CNOT2: variants seen among roughly 807,000 people sequenced by gnomAD.
CNOT2 encodes the protein CC chemokine receptor 4-negative regulator of transcription 2.
Under a neutral mutation model 72.1 loss-of-function variants are expected in CNOT2, and 7 were observed. That is an observed-to-expected ratio of 0.10 (90% CI 0.06 to 0.18). The LOEUF is 0.18. CNOT2 is among the 10% of genes least tolerant of loss of function. The probability of loss-of-function intolerance (pLI) is 1.00; values close to 1 mark genes in which losing one functional copy is unlikely to be tolerated. For missense variants in CNOT2, 345 were observed against 660.3 expected, an observed-to-expected ratio of 0.52 and a Z score of 5.23; for synonymous variants, 196 against 225.6, an observed-to-expected ratio of 0.87 and a Z score of 1.17.
intron 1 of CNOT2, among the ~76,000 whole-genome samples, chr12:70,275,835 A>G (rs1337381966): frequency 6.6e-6 from 1 of 152,130 alleles, no homozygotes; most frequent in East Asian, 1.9e-4. Context: ...TATGAAGGTT[A>G]TCAACAGAAT....
chr12:70,345,295 G>C (rs554132412), intron 14 of CNOT2: 2 of 152,192 alleles, frequency 1.3e-5, no homozygotes, highest in South Asian at 2.1e-4. Flanking sequence ...TCAGTATGTT[G>C]ATAATGAATT....
At chr12:70,300,716 G>T (rs575895122) in intron 2 of CNOT2, among the ~76,000 whole-genome samples, 62 of 152,116 alleles carry the variant, frequency 4.1e-4, no homozygotes, top group Non-Finnish European at 6.0e-4. Context: ...CTTTTTTGGT[G>T]CCATATGAAC....
At chr12:70,297,448 C>T (rs1873005312) in intron 2 of CNOT2, among the ~76,000 whole-genome samples, 1 of 152,156 alleles carries the variant, frequency 6.6e-6, no homozygotes, top group Non-Finnish European at 1.5e-5. Flanking sequence ...AGTAAAACTC[C>T]TCCCTACATT....
intron 1 of CNOT2, among the ~76,000 whole-genome samples, chr12:70,245,302 CTTGACTTTG>C (rs1358605310): frequency 6.6e-6 from 1 of 152,156 alleles, no homozygotes; most frequent in Non-Finnish European, 1.5e-5. Flanking sequence ...TCACTTATTT[CTTGACTTTG>C]TAAGATCCTT....
chr12:70,276,089 A>G (rs76586647), intron 1 of CNOT2, among the ~76,000 whole-genome samples: 3,437 of 152,152 alleles, frequency 0.023, 82 homozygotes, highest in Admixed American at 0.047. Flanking sequence ...AGAAGAGGAA[A>G]CAAAGCAAAT....
At chr12:70,307,851 C>G (rs1220298072) in intron 2 of CNOT2, 1 of 151,422 alleles carries the variant, frequency 6.6e-6, no homozygotes, top group Admixed American at 6.6e-5. Flanking sequence ...TTCCTGCTTT[C>G]GTTTTATACC....
intron 6 of CNOT2, among the ~76,000 whole-genome samples, chr12:70,332,246 A>G (rs1372999658): frequency 2.0e-5 from 3 of 151,764 alleles, no homozygotes; most frequent in Non-Finnish European, 4.4e-5. Context: ...GAAGACACAG[A>G]GAGGAGTTTA....
chr12:70,318,478 A>G (rs992075493), intron 3 of CNOT2, among the ~76,000 whole-genome samples: 3 of 151,838 alleles, frequency 2.0e-5, no homozygotes, highest in African/African-American at 7.2e-5. Context: ...TTCTGATTAC[A>G]TTACTAACCT....
At chr12:70,319,469 T>A in intron 4 of CNOT2, 105 bp downstream of exon 4, 1 of 1,074,698 alleles carries the variant, frequency 9.3e-7, no homozygotes, top group Admixed American at 2.1e-5. Flanking sequence ...ATTGTATGAC[T>A]TAAAAGGAAA....
intron 1 of CNOT2, among the ~76,000 whole-genome samples, chr12:70,246,570 CCTTA>C (rs1375683225): frequency 1.3e-5 from 2 of 152,040 alleles, no homozygotes; most frequent in Non-Finnish European, 2.9e-5. Flanking sequence ...GACTGTTCTT[CCTTA>C]CTAAGAGCAG....
chr12:70,308,584 T>TCTCTCTCTCA (rs550679130), intron 2 of CNOT2, among the ~76,000 whole-genome samples: 1,849 of 133,232 alleles, frequency 0.014, 28 homozygotes, highest in African/African-American at 0.027. Flanking sequence ...TCTCTCTCTC[T>TCTCTCTCTCA]CACACACACA....
chr12:70,285,345 G>A (rs915985575), intron 2 of CNOT2: 1 of 151,428 alleles, frequency 6.6e-6, no homozygotes, highest in Non-Finnish European at 1.5e-5. Flanking sequence ...GAGTAGCTGG[G>A]ACTAAGGTGC....
chr12:70,320,173 T>C (rs1364873198), intron 4 of CNOT2, among the ~76,000 whole-genome samples: 3 of 151,672 alleles, frequency 2.0e-5, no homozygotes, highest in African/African-American at 7.2e-5. Context: ...AAAAGTGTTA[T>C]AAATTCCCAT....
At chr12:70,291,990 C>T (rs182471620) in intron 2 of CNOT2, among the ~76,000 whole-genome samples, 235 of 152,230 alleles carry the variant, frequency 1.5e-3, no homozygotes, top group African/African-American at 5.6e-3. Flanking sequence ...GCAATATTCA[C>T]GGATGAATGC....
At chr12:70,298,576 A>T (rs1433860357) in intron 2 of CNOT2, among the ~76,000 whole-genome samples, 3 of 152,224 alleles carry the variant, frequency 2.0e-5, no homozygotes, top group Non-Finnish European at 1.5e-5. Context: ...AAGCATTTAG[A>T]ATATTCCCTG....
chr12:70,297,820 C>T (rs1873082551), intron 2 of CNOT2: 1 of 296,306 alleles, frequency 3.4e-6, no homozygotes, highest in African/African-American at 2.3e-5. Context: ...TCACTGCAAC[C>T]TCCGCCTCCC....
chr12:70,328,132 T>C (rs2136016077), intron 4 of CNOT2, among the ~76,000 whole-genome samples: 1 of 151,950 alleles, frequency 6.6e-6, no homozygotes, highest in African/African-American at 2.4e-5. Context: ...GAAAAGTATA[T>C]ACATGGAATA....
At chr12:70,337,704 G>A (rs932990982) in intron 9 of CNOT2, 191 bp downstream of exon 9, 2 of 650,606 alleles carry the variant, frequency 3.1e-6, no homozygotes, top group Non-Finnish European at 5.4e-6. Flanking sequence ...TTTCATATAG[G>A]TTTGCAAATT....
chr12:70,327,223 A>G (rs1468857043), intron 4 of CNOT2, among the ~76,000 whole-genome samples: 4 of 151,912 alleles, frequency 2.6e-5, no homozygotes, highest in African/African-American at 4.8e-5. Flanking sequence ...AAGTAAAGGA[A>G]AAGTAGAACA....
Sources: allele counts gnomAD v4.1 joint callset (sites outside exome capture counted in the v4.1 genomes callset), GRCh38; gene constraint gnomAD v4.1.1; transcripts MANE v1.5; gene names NCBI Gene and HGNC (gene_info 2026-07-23, HGNC 2026-07-21).